LINGO2: variants seen among roughly 807,000 people sequenced by gnomAD.
LINGO2 encodes the protein leucine rich repeat and Ig domain containing 2.
Under a neutral mutation model 30.6 loss-of-function variants are expected in LINGO2, and 14 were observed. The ratio of observed to expected loss-of-function variants is 0.46; its 90% CI spans 0.30 to 0.72. LINGO2 has a LOEUF of 0.72. Among genes scored for constraint, LINGO2 ranks in the 30% least tolerant of loss-of-function variants. LINGO2 has a pLI of 0.07. For missense variants in LINGO2, 729 were observed against 751.7 expected (o/e 0.97, Z 0.35); for synonymous variants, 317 against 288.5 (o/e 1.10, Z -1.00).
chr9:28,992,598 G>T, the LINGO2 span, among the ~76,000 whole-genome samples: 4 of 151,978 alleles, frequency 2.6e-5, no homozygotes, highest in African/African-American at 9.7e-5. Flanking sequence ...TTCCAAAACT[G>T]ACCGCATAGT....
chr9:27,953,702 T>C (rs949491111), intron 5 of LINGO2, among the ~76,000 whole-genome samples: 1 of 152,008 alleles, frequency 6.6e-6, no homozygotes, highest in African/African-American at 2.4e-5. Flanking sequence ...ATAAGTTTCC[T>C]GAGGCCTCCC....
intron 1 of LINGO2, among the ~76,000 whole-genome samples, chr9:28,556,898 A>T (rs1221925364): frequency 6.6e-6 from 1 of 152,174 alleles, no homozygotes; most frequent in African/African-American, 2.4e-5. Context: ...CAATGGGGAA[A>T]GGATTGCCTA....
intron 2 of LINGO2, among the ~76,000 whole-genome samples, chr9:28,380,955 C>G (rs1470131206): frequency 6.6e-6 from 1 of 151,962 alleles, no homozygotes. Context: ...TACGGGCTTG[C>G]CCTTGAGTAT....
chr9:28,509,616 G>A (rs561082498), intron 1 of LINGO2, among the ~76,000 whole-genome samples: 23 of 152,262 alleles, frequency 1.5e-4, no homozygotes, highest in Middle Eastern at 6.8e-3. Flanking sequence ...TAAGGAGGTC[G>A]TAAAGGTTAA....
the LINGO2 span, among the ~76,000 whole-genome samples, chr9:28,675,924 T>TATATATATATATATAC: frequency 7.3e-6 from 1 of 137,740 alleles, no homozygotes; most frequent in East Asian, 2.3e-4. Context: ...TATATATATA[T>TATATATATATATATAC]ACATACACAC....
At chr9:28,899,664 C>A in the LINGO2 span, among the ~76,000 whole-genome samples, 1 of 152,208 alleles carries the variant, frequency 6.6e-6, no homozygotes, top group Non-Finnish European at 1.5e-5. Context: ...ACTATAGGTT[C>A]CTGGCCCTCC....
the LINGO2 span, among the ~76,000 whole-genome samples, chr9:28,698,261 G>T: frequency 6.6e-6 from 1 of 151,938 alleles, no homozygotes; most frequent in Non-Finnish European, 1.5e-5. Context: ...TTCCAGTATA[G>T]ATACATTTAT....
intron 1 of LINGO2, among the ~76,000 whole-genome samples, chr9:28,476,490 T>C (rs1169355986): frequency 1.3e-5 from 2 of 152,038 alleles, no homozygotes; most frequent in African/African-American, 4.8e-5. Flanking sequence ...TTAGCCAGGA[T>C]GGTCTCGATC....
At chr9:28,096,166 T>C (rs1826237014) in intron 4 of LINGO2, among the ~76,000 whole-genome samples, 1 of 152,020 alleles carries the variant, frequency 6.6e-6, no homozygotes, top group Non-Finnish European at 1.5e-5. Context: ...AAAGGATAGT[T>C]CTGTTGCCTA....
intron 1 of LINGO2, among the ~76,000 whole-genome samples, chr9:28,637,774 C>G (rs1172260044): frequency 6.6e-6 from 1 of 152,116 alleles, no homozygotes. Context: ...CAAACAGGGA[C>G]AATTTGACTT....
chr9:28,013,920 C>T (rs1249433587), intron 4 of LINGO2, among the ~76,000 whole-genome samples: 1 of 152,122 alleles, frequency 6.6e-6, no homozygotes, highest in Non-Finnish European at 1.5e-5. Flanking sequence ...CCGTTATTTT[C>T]TTTTCAATTC....
rs773033942 is a variant in LINGO2, at chr9:28,506,505, CATATAT to C, written c.-364-30486_-364-30481del. On this transcript the variant is annotated intron_variant, in intron 1 of 5. Coordinates refer to ENST00000379992, the Ensembl canonical transcript of LINGO2. ...ATACACATACACACACACACACAGA[CATATAT>C]ATATATATATAAACTGTTGGGGACT... is the stretch of plus-strand genomic sequence containing the variant. Among the ~76,000 whole-genome samples the C allele has an allele frequency of 1.3e-4, 11 of 84,428 alleles. 2 individuals carry two copies. The highest frequency in any genetic ancestry group is 1.9e-4 in the Non-Finnish European group (8 of 42,436). 55.4% of individuals were successfully genotyped at this position (84,428 alleles called of 152,430 possible).
intron 3 of LINGO2, among the ~76,000 whole-genome samples, chr9:28,325,181 GC>G (rs74180798): frequency 0.15 from 23,247 of 151,344 alleles, 2,379 homozygotes; most frequent in Non-Finnish European, 0.22. Context: ...CTGATTATAG[GC>G]CCCTGAATTC....
At chr9:27,971,959 T>C (rs907904122) in intron 5 of LINGO2, among the ~76,000 whole-genome samples, 1 of 152,208 alleles carries the variant, frequency 6.6e-6, no homozygotes, top group African/African-American at 2.4e-5. Flanking sequence ...TATTGGTATA[T>C]GTAAAGCCTT....
chr9:28,789,137 C>T, the LINGO2 span, among the ~76,000 whole-genome samples: 1 of 151,882 alleles, frequency 6.6e-6, no homozygotes, highest in African/African-American at 2.4e-5. Flanking sequence ...AAAATATCAC[C>T]AACTTGAACA....
chr9:27,984,197 G>A (rs1821018761), intron 5 of LINGO2, among the ~76,000 whole-genome samples: 1 of 151,830 alleles, frequency 6.6e-6, no homozygotes, highest in African/African-American at 2.4e-5. Context: ...GGTTGCCTGG[G>A]TTGTAGTCAT....
chr9:29,183,764 A>G, the LINGO2 span, among the ~76,000 whole-genome samples: 1 of 151,620 alleles, frequency 6.6e-6, no homozygotes, highest in South Asian at 2.1e-4. Context: ...AACAACAGAG[A>G]ATAGCTGTTT....
the LINGO2 span, among the ~76,000 whole-genome samples, chr9:29,189,263 G>C: frequency 2.6e-4 from 40 of 151,020 alleles, no homozygotes; most frequent in African/African-American, 9.2e-4. Flanking sequence ...CGGCTGGCCT[G>C]GCGGGGGGCT....
chr9:29,095,767 C>T, the LINGO2 span, among the ~76,000 whole-genome samples: 1 of 138,388 alleles, frequency 7.2e-6, no homozygotes, highest in African/African-American at 2.7e-5. Flanking sequence ...TTACTTCTCC[C>T]CATGCAGATT....
Sources: gnomAD v4.1 joint callset for allele counts (sites outside exome capture counted in the v4.1 genomes callset) on GRCh38, gnomAD v4.1.1 for gene constraint, MANE v1.5 for transcripts, NCBI Gene and HGNC (gene_info 2026-07-23, HGNC 2026-07-21) for gene names.